NECAB1: variants seen among roughly 807,000 people sequenced by gnomAD.
NECAB1 encodes the protein N-terminal EF-hand calcium binding protein 1.
Under a neutral mutation model 57.5 loss-of-function variants are expected in NECAB1, and 29 were observed. The observed-to-expected ratio is 0.50, with a 90% CI of 0.38 to 0.69. NECAB1 has a LOEUF of 0.69. Among genes scored for constraint, NECAB1 ranks in the 30% least tolerant of loss-of-function variants. NECAB1 has a pLI of 0.00. For synonymous variants in NECAB1, 142 were observed against 147.7 expected, an observed-to-expected ratio of 0.96 and a Z score of 0.28; for missense variants, 372 against 413.8, an observed-to-expected ratio of 0.90 and a Z score of 0.88.
chr8:90,875,864 A>AG (rs5893142), intron 4 of NECAB1, among the ~76,000 whole-genome samples: 139,922 of 140,092 alleles, frequency 1, 69,876 homozygotes, highest in Middle Eastern at 1. Context: ...AAAAAAAATT[A>AG]CCGGGCGTGG....
chr8:90,833,782 CAA>C (rs895945169), intron 3 of NECAB1, among the ~76,000 whole-genome samples: 16 of 152,250 alleles, frequency 1.1e-4, no homozygotes, highest in Admixed American at 1.0e-3. Flanking sequence ...CCTCCATTTC[CAA>C]TGCCCCAACC....
intron 2 of NECAB1, 25 bp downstream of exon 2, chr8:90,801,740 T>C: frequency 6.9e-7 from 1 of 1,445,166 alleles, no homozygotes; most frequent in East Asian, 2.5e-5. Flanking sequence ...CTACAGTATC[T>C]ATTTATTAAT....
chr8:90,952,234 A>C (rs1357250849), intron 12 of NECAB1, among the ~76,000 whole-genome samples: 1 of 151,794 alleles, frequency 6.6e-6, no homozygotes, highest in Non-Finnish European at 1.5e-5. Context: ...AAAAAAAAAA[A>C]CCTGCACCAG....
intron 5 of NECAB1, among the ~76,000 whole-genome samples, chr8:90,898,381 G>T (rs992235600): frequency 6.6e-6 from 1 of 152,038 alleles, no homozygotes; most frequent in Non-Finnish European, 1.5e-5. Flanking sequence ...AATCAATATT[G>T]TCCCATTTCA....
Position 90,957,245 on chromosome 8 carries a change from T to G in NECAB1, c.*1733T>G, listed in dbSNP as rs781228761. The G allele has an allele frequency of 1.3e-5, 2 of 151,946 alleles. No homozygotes were observed. The highest frequency in any genetic ancestry group is 2.9e-5 in the Non-Finnish European group (2 of 67,916). The allele number at this position is 151,946 out of a possible 1,614,324, so 9.4% of individuals were successfully genotyped here. ...ACAAACTCTTCTTGAGAATGTTTGT[T>G]GTAAATGGTTTCAAAAATACAAATT... is the stretch of plus-strand genomic sequence containing the variant. On this transcript the variant is annotated 3_prime_UTR_variant, in exon 13 of 13. Coordinates refer to ENST00000417640, the MANE Select transcript of NECAB1 (RefSeq NM_022351.5).
intron 3 of NECAB1, among the ~76,000 whole-genome samples, chr8:90,841,505 T>C (rs1812454316): frequency 6.6e-6 from 1 of 152,138 alleles, no homozygotes. Context: ...TCGAGATGCA[T>C]GAGGGTCAAA....
intron 7 of NECAB1, among the ~76,000 whole-genome samples, chr8:90,927,944 C>T (rs1231433863): frequency 5.3e-5 from 8 of 151,896 alleles, no homozygotes; most frequent in South Asian, 2.1e-4. Flanking sequence ...AACTACATCA[C>T]GGGGTTTTGT....
At chr8:90,952,312 T>C (rs1451998227) in intron 12 of NECAB1, among the ~76,000 whole-genome samples, 1 of 151,804 alleles carries the variant, frequency 6.6e-6, no homozygotes, top group Non-Finnish European at 1.5e-5. Context: ...GCAAGATGAT[T>C]GTTGAAGCCT....
chr8:90,806,044 G>T (rs557938685), intron 2 of NECAB1, among the ~76,000 whole-genome samples: 1 of 152,184 alleles, frequency 6.6e-6, no homozygotes, highest in Non-Finnish European at 1.5e-5. Flanking sequence ...TTGTTTTTGT[G>T]TGGGGTGGGG....
intron 3 of NECAB1, among the ~76,000 whole-genome samples, chr8:90,859,604 T>G (rs1026180457): frequency 6.6e-6 from 1 of 152,128 alleles, no homozygotes; most frequent in Non-Finnish European, 1.5e-5. Flanking sequence ...AGTCCCTTGA[T>G]GCTATCTGAG....
chr8:90,951,020 A>G lies in NECAB1; in HGVS notation c.939-93A>G, dbSNP rs748830351. 1.1e-5 allele frequency: 7 copies of G among 615,094 alleles called. No homozygotes were observed. In the African/African-American group the frequency reaches 1.3e-4, roughly 12 times the overall value. The allele number at this position is 615,094 out of a possible 1,614,324, so 38.1% of individuals were successfully genotyped here. On this transcript the variant is annotated intron_variant, in intron 11 of 12. Transcript: ENST00000417640. Reference sequence around the variant, plus strand: ...GAGCTTATTTAATCCAAATCATCCCAAACTTTGCCATCTTGATCAAATTTG... The same window carrying G: ...GAGCTTATTTAATCCAAATCATCCCGAACTTTGCCATCTTGATCAAATTTG...
At chr8:90,792,056 G>A (rs1229093857) in intron 1 of NECAB1, 71 bp downstream of exon 1, 2 of 1,266,004 alleles carry the variant, frequency 1.6e-6, no homozygotes, top group African/African-American at 1.5e-5. Context: ...GAAGGGGTTC[G>A]GCTCAGGTGC....
At chr8:90,864,698 C>T (rs1259674827) in intron 3 of NECAB1, among the ~76,000 whole-genome samples, 1 of 152,138 alleles carries the variant, frequency 6.6e-6, no homozygotes, top group African/African-American at 2.4e-5. Flanking sequence ...CTACCCCTCT[C>T]TCCCATCATT....
At chr8:90,831,410 C>CT (rs1193180557) in intron 3 of NECAB1, among the ~76,000 whole-genome samples, 1 of 152,160 alleles carries the variant, frequency 6.6e-6, no homozygotes, top group Admixed American at 6.5e-5. Context: ...GCCTCAAGGA[C>CT]TTCTCTTTAC....
At chr8:90,955,347 G>A (rs1811011829) in intron 12 of NECAB1, 140 bp from the exon 13 acceptor site, 1 of 581,846 alleles carries the variant, frequency 1.7e-6, no homozygotes, top group African/African-American at 1.9e-5. Flanking sequence ...CAAATAGTCA[G>A]GAAATGGTGA....
At chr8:90,900,593 G>A (rs1799024925) in intron 5 of NECAB1, among the ~76,000 whole-genome samples, 1 of 152,216 alleles carries the variant, frequency 6.6e-6, no homozygotes, top group African/African-American at 2.4e-5. Flanking sequence ...GAATTGGGTA[G>A]AATTAGTTCT....
chr8:90,821,740 A>G (rs528232225), intron 2 of NECAB1, among the ~76,000 whole-genome samples: 1 of 151,344 alleles, frequency 6.6e-6, no homozygotes, highest in African/African-American at 2.4e-5. Flanking sequence ...ATTATATCGT[A>G]CCATTTACTG....
At chr8:90,815,398 AT>A (rs1456619806) in intron 2 of NECAB1, among the ~76,000 whole-genome samples, 1 of 151,970 alleles carries the variant, frequency 6.6e-6, no homozygotes, top group Non-Finnish European at 1.5e-5. Flanking sequence ...CTCTTAAATT[AT>A]TTTTTAAGAT....
At chr8:90,834,889 AC>A (rs1227705123) in intron 3 of NECAB1, among the ~76,000 whole-genome samples, 5 of 151,588 alleles carry the variant, frequency 3.3e-5, no homozygotes, top group Admixed American at 3.3e-4. Context: ...ATCCCCCATA[AC>A]CAATCTTTAT....
Sources: allele counts gnomAD v4.1 joint callset (sites outside exome capture counted in the v4.1 genomes callset), GRCh38; gene constraint gnomAD v4.1.1; transcripts MANE v1.5; gene names NCBI Gene and HGNC (gene_info 2026-07-23, HGNC 2026-07-21).